MORC1: variants seen among roughly 807,000 people sequenced by gnomAD.
MORC1 encodes the protein MORC family CW-type zinc finger protein 1.
In MORC1, 59 loss-of-function variants were observed where a neutral mutation model predicts 134.9. The ratio of observed to expected loss-of-function variants is 0.44; its 90% CI spans 0.35 to 0.54. The LOEUF is 0.54. Ranked by LOEUF, MORC1 falls within the 20% of genes least tolerant of loss-of-function variation. The pLI, the probability that MORC1 is intolerant of heterozygous loss-of-function variation, is 0.00. For missense variants in MORC1, 947 were observed against 1,134.5 expected, an observed-to-expected ratio of 0.83 and a Z score of 2.37; for synonymous variants, 395 against 391.7, an observed-to-expected ratio of 1.01 and a Z score of -0.10.
At chr3:108,973,404 T>C (rs2715742) in intron 24 of MORC1, among the ~76,000 whole-genome samples, 60,500 of 151,372 alleles carry the variant, frequency 0.4, 12,515 homozygotes, top group Middle Eastern at 0.55. Context: ...ATTTCAGTAG[T>C]GATAAAGGAA....
chr3:109,054,059 G>A (rs1576684354), intron 14 of MORC1, among the ~76,000 whole-genome samples: 1 of 151,896 alleles, frequency 6.6e-6, no homozygotes, highest in Admixed American at 6.6e-5. Context: ...CGAGGAGGGT[G>A]GATCACGAGG....
Position 109,062,007 on chromosome 3 carries a change from G to C in MORC1, c.947C>G (p.Thr316Ser), listed in dbSNP as rs762361711. ...AQIKVNQCDR[T>S]SLSSAKDVLQ... ...TCGTACCTTGGCAGAAGATAAAGAGGTTCTGTCACACTGGTTTACTTTGAT... is the reference window on the plus strand; with the variant it reads ...TCGTACCTTGGCAGAAGATAAAGAGCTTCTGTCACACTGGTTTACTTTGAT... The change falls in exon 11 of 28, where the codon ACC (threonine) becomes AGC (serine). Residue 316 changes from threonine to serine, a missense_variant. This residue lies in a region of MORC1 where 722 missense variants were observed against 817.0 expected (regional missense o/e 0.88). Coordinates refer to ENST00000232603, the MANE Select transcript of MORC1 (RefSeq NM_014429.4). 6.2e-7 allele frequency: 1 copy of C among 1,613,968 alleles called. No homozygotes were observed. Among genetic ancestry groups the C allele is most frequent in the Admixed American group, 1.7e-5 (1 of 60,020 alleles).
intron 14 of MORC1, among the ~76,000 whole-genome samples, chr3:109,049,994 A>G (rs917825592): frequency 6.7e-6 from 1 of 150,012 alleles, no homozygotes; most frequent in South Asian, 2.1e-4. Context: ...AGAGAGACAT[A>G]ATCTTGTCTT....
At chr3:109,087,694 AT>A (rs1006303077) in intron 8 of MORC1, among the ~76,000 whole-genome samples, 11 of 152,080 alleles carry the variant, frequency 7.2e-5, no homozygotes, top group East Asian at 5.8e-4. Context: ...CAAACTACCA[AT>A]GACATTCTTC....
intron 17 of MORC1, among the ~76,000 whole-genome samples, chr3:109,022,654 T>C (rs1948986724): frequency 6.6e-6 from 1 of 152,190 alleles, no homozygotes; most frequent in African/African-American, 2.4e-5. Flanking sequence ...TATAAGAACA[T>C]TTTGGTCTTC....
chr3:108,974,397 T>A (rs1231601365), intron 24 of MORC1, among the ~76,000 whole-genome samples: 1 of 152,234 alleles, frequency 6.6e-6, no homozygotes, highest in Non-Finnish European at 1.5e-5. Context: ...CTTGAGTCCC[T>A]TTCTTGAATG....
chr3:109,111,086 C>A (rs1951160634), intron 2 of MORC1, among the ~76,000 whole-genome samples: 1 of 138,504 alleles, frequency 7.2e-6, no homozygotes, highest in Non-Finnish European at 1.6e-5. Context: ...AGCTGGCTGG[C>A]AAATAATCCA....
intron 11 of MORC1, among the ~76,000 whole-genome samples, chr3:109,061,451 A>G (rs779445951): frequency 1.3e-5 from 2 of 152,188 alleles, no homozygotes; most frequent in Non-Finnish European, 2.9e-5. Flanking sequence ...AATGTTTATG[A>G]ACTGTGTGGA....
At chr3:109,018,353 T>G (rs1220264726) in intron 17 of MORC1, among the ~76,000 whole-genome samples, 1 of 152,158 alleles carries the variant, frequency 6.6e-6, no homozygotes, top group Non-Finnish European at 1.5e-5. Context: ...GTGAAGAGAT[T>G]TGCCTCCAGA....
intron 14 of MORC1, among the ~76,000 whole-genome samples, chr3:109,050,971 A>G (rs1166685936): frequency 6.6e-6 from 1 of 152,226 alleles, no homozygotes; most frequent in Non-Finnish European, 1.5e-5. Context: ...TAAATTTTTC[A>G]TAATTGCTCC....
chr3:109,103,525 T>C (rs1275479085), intron 4 of MORC1, among the ~76,000 whole-genome samples: 2 of 152,206 alleles, frequency 1.3e-5, no homozygotes, highest in Non-Finnish European at 2.9e-5. Context: ...AAGGATGAGC[T>C]AAAAACAATC....
chr3:108,997,124 A>T (rs908096318), intron 21 of MORC1, among the ~76,000 whole-genome samples: 5 of 151,902 alleles, frequency 3.3e-5, no homozygotes, highest in Admixed American at 3.3e-4. Flanking sequence ...AATGACTTGG[A>T]GCATGTTAAA....
Position 109,103,933 on chromosome 3 carries a change from G to A in MORC1, c.155-16C>T, listed in dbSNP as rs904364662. ...TCATTATCCACTGTAAGAGAAAGCA[G>A]TTATTACTAATAAATATCGGGCTTA... On this transcript the variant is annotated splice_polypyrimidine_tract_variant and intron_variant, in intron 3 of 27. Transcript: ENST00000232603. 1.2e-6 allele frequency: 2 copies of A among 1,606,016 alleles called. No individual in the cohort carries two copies. Among genetic ancestry groups the A allele is most frequent in the African/African-American group, 2.7e-5 (2 of 74,714 alleles).
chr3:109,099,275 C>T, intron 6 of MORC1, 83 bp downstream of exon 6: 2 of 923,310 alleles, frequency 2.2e-6, no homozygotes, highest in Non-Finnish European at 3.3e-6. Flanking sequence ...CAGAAAGAAC[C>T]CATGACAAGA....
intron 14 of MORC1, among the ~76,000 whole-genome samples, chr3:109,047,605 G>A (rs1009618909): frequency 5.9e-5 from 9 of 152,010 alleles, no homozygotes; most frequent in South Asian, 2.1e-4. Flanking sequence ...TTTATTTGCT[G>A]GGAGCTGACA....
chr3:108,994,400 T>TA (rs1435928984), intron 21 of MORC1, among the ~76,000 whole-genome samples: 1 of 151,140 alleles, frequency 6.6e-6, no homozygotes. Flanking sequence ...AGTCAGTCAA[T>TA]AAAAAAAATT....
chr3:109,063,084 A>G, intron 10 of MORC1, 68 bp downstream of exon 10: 1 of 1,205,256 alleles, frequency 8.3e-7, no homozygotes, highest in Non-Finnish European at 1.2e-6. Flanking sequence ...ATGTCTCAAA[A>G]TAAGTGCACA....
intron 3 of MORC1, among the ~76,000 whole-genome samples, chr3:109,105,152 G>A (rs13070778): frequency 0.054 from 8,199 of 152,228 alleles, 522 homozygotes; most frequent in African/African-American, 0.15. Flanking sequence ...GGAGGCCAAG[G>A]AGGGAGGATG....
intron 14 of MORC1, among the ~76,000 whole-genome samples, chr3:109,039,530 G>A (rs1325761699): frequency 6.6e-6 from 1 of 152,170 alleles, no homozygotes; most frequent in African/African-American, 2.4e-5. Flanking sequence ...AGAATCTCAT[G>A]TAACTATTTG....
Sources: gnomAD v4.1 joint callset for allele counts (sites outside exome capture counted in the v4.1 genomes callset) on GRCh38, gnomAD v4.1.1 for gene constraint, gnomAD v4.1.1 regional missense constraint, MANE v1.5 for transcripts, NCBI Gene and HGNC (gene_info 2026-07-23, HGNC 2026-07-21) for gene names.